Variants in FAM204A observed in about 807,000 individuals in gnomAD.
FAM204A encodes the protein family with sequence similarity 204 member A, also known as protein FAM204A.
Under a neutral mutation model 35.4 loss-of-function variants are expected in FAM204A, and 16 were observed. The observed-to-expected ratio is 0.45, with a 90% CI of 0.31 to 0.69. The LOEUF is 0.69. Ranked by LOEUF, FAM204A falls within the 30% of genes least tolerant of loss-of-function variation. The pLI, the probability that FAM204A is intolerant of heterozygous loss-of-function variation, is 0.07. For missense variants in FAM204A, 240 were observed against 265.7 expected, an observed-to-expected ratio of 0.90 and a Z score of 0.67; for synonymous variants, 76 against 86.9, an observed-to-expected ratio of 0.88 and a Z score of 0.70.
At chr10:118,316,249 C>T (rs1846028895) in intron 7 of FAM204A, among the ~76,000 whole-genome samples, 1 of 152,090 alleles carries the variant, frequency 6.6e-6, no homozygotes, top group Non-Finnish European at 1.5e-5. Flanking sequence ...CTCACAATGC[C>T]TTGCAGTGAA....
intron 7 of FAM204A, among the ~76,000 whole-genome samples, chr10:118,321,570 A>C (rs1279189667): frequency 3.9e-5 from 6 of 152,026 alleles, no homozygotes; most frequent in African/African-American, 1.4e-4. Context: ...ACAATGAGAA[A>C]AACATTTACT....
rs1165454445 is a variant in FAM204A at position 118,335,432 on chromosome 10, A to C, written c.323-6T>G. On this transcript the variant is annotated splice_polypyrimidine_tract_variant and splice_region_variant and intron_variant, in intron 4 of 8. Transcript: ENST00000369183. ...TTTTTCATTCTTCAATTTATCTGAA[A>C]AGAATTCACAAAGTGTCAATACCTA... 1 of 1,596,194 alleles carries C rather than the reference A, an allele frequency of 6.3e-7. No individual in the cohort carries two copies. The highest frequency in any genetic ancestry group is 2.2e-5 in the East Asian group (1 of 44,672).
chr10:118,335,436 A>G lies in FAM204A; in HGVS notation c.323-10T>C. 6.3e-7 allele frequency: 1 copy of G among 1,596,976 alleles called. No individual in the cohort carries two copies. Among genetic ancestry groups the G allele is most frequent in the Non-Finnish European group, 8.5e-7 (1 of 1,172,768 alleles). ...TCATTCTTCAATTTATCTGAAAAGAATTCACAAAGTGTCAATACCTAACTT... is the reference window on the plus strand; with the variant it reads ...TCATTCTTCAATTTATCTGAAAAGAGTTCACAAAGTGTCAATACCTAACTT... On this transcript the variant is annotated splice_polypyrimidine_tract_variant and intron_variant, in intron 4 of 8. Coordinates refer to ENST00000369183, the MANE Select transcript of FAM204A (RefSeq NM_022063.3).
In FAM204A at chr10:118,335,397, T is replaced by C; in HGVS notation, c.352A>G (p.Ser118Gly). The part of the protein sequence containing the change: ...DKLKNEKELH[S>G]EPSSNETQWK... ...ATAACTATTTTAAATTCTACCTACC[T>C]ATGTAATTCTTTTTCATTCTTCAAT... The change falls in exon 5 of 9, where the codon AGT becomes GGT. Residue 118 changes from serine to glycine, a missense_variant and splice_region_variant. By Grantham distance (56) the Ser-to-Gly change is moderately conservative. Around this residue, in one of 2 missense-constraint regions of FAM204A, gnomAD observed 232 missense variants for 242.8 expected, o/e 0.96. Transcript: ENST00000369183. 6.3e-7 allele frequency: 1 copy of C among 1,591,668 alleles called. No individual in the cohort carries two copies. The highest frequency in any genetic ancestry group is 8.6e-7 in the Non-Finnish European group (1 of 1,168,440).
intron 6 of FAM204A, among the ~76,000 whole-genome samples, chr10:118,330,804 C>T (rs927343163): frequency 6.6e-6 from 1 of 152,186 alleles, no homozygotes; most frequent in Non-Finnish European, 1.5e-5. Context: ...ACAAAGAGCA[C>T]AGCTGGCAGG....
intron 7 of FAM204A, among the ~76,000 whole-genome samples, chr10:118,321,744 A>AAG (rs61154019): frequency 4.0e-5 from 6 of 150,744 alleles, no homozygotes; most frequent in Non-Finnish European, 7.4e-5. Context: ...AAAAAAAAAA[A>AAG]GAATCCTAAT....
rs762367374 is a variant in FAM204A at position 118,300,520 on chromosome 10, T to C, written c.*10337A>G. ...GTGTAGCCTAGGGCACTGATTAACATTGGCTGAACACATATTATATGCTAG... is the reference window on the plus strand; with the variant it reads ...GTGTAGCCTAGGGCACTGATTAACACTGGCTGAACACATATTATATGCTAG... On this transcript the variant is annotated 3_prime_UTR_variant, in exon 9 of 9. Coordinates refer to ENST00000369183, the MANE Select transcript of FAM204A (RefSeq NM_022063.3). The C allele has an allele frequency of 6.6e-6, 1 of 152,186 alleles. No individual in the cohort carries two copies. Among genetic ancestry groups the C allele is most frequent in the Admixed American group, 6.5e-5 (1 of 15,282 alleles). The allele number at this position is 152,186 out of a possible 1,614,324, so 9.4% of individuals were successfully genotyped here.
intron 8 of FAM204A, 72 bp downstream of exon 8, chr10:118,311,135 G>C: frequency 7.2e-7 from 1 of 1,394,274 alleles, no homozygotes; most frequent in Non-Finnish European, 1.0e-6. Flanking sequence ...ACACGAACTA[G>C]ATCACAAAAT....
intron 7 of FAM204A, among the ~76,000 whole-genome samples, chr10:118,321,758 C>T (rs1196674936): frequency 7.0e-6 from 1 of 142,948 alleles, no homozygotes; most frequent in African/African-American, 2.5e-5. Context: ...TCCTAATATC[C>T]TCAAAGGAAA....
At chr10:118,324,526 G>A (rs1342659427) in intron 7 of FAM204A, among the ~76,000 whole-genome samples, 1 of 152,156 alleles carries the variant, frequency 6.6e-6, no homozygotes, top group Non-Finnish European at 1.5e-5. Context: ...AAGGAATTCT[G>A]ACACATGCTG....
At position 118,336,309 on chromosome 10, in the gene FAM204A, T is replaced by C; in HGVS notation, c.107A>G (p.Lys36Arg). 6.2e-7 allele frequency: 1 copy of C among 1,614,044 alleles called. No homozygotes were observed. The highest frequency in any genetic ancestry group is 8.5e-7 in the Non-Finnish European group (1 of 1,179,906). The change falls in exon 3 of 9, where the codon AAA becomes AGA. Residue 36 changes from lysine (K) to arginine (R), a missense_variant. By Grantham distance (26) the Lys-to-Arg change is conservative. Transcript: ENST00000369183. ...TGTTTTTCTGATGCTCTCATCCTCT[T>C]TATCTTCCTGTAAGTTAAGTCCAGA... ...ENSGLNLQED[K>R]EDESIRKTEI...
chr10:118,332,733 T>A (rs551268565), intron 6 of FAM204A, among the ~76,000 whole-genome samples: 1 of 152,166 alleles, frequency 6.6e-6, no homozygotes, highest in African/African-American at 2.4e-5. Context: ...ATAAAAAACT[T>A]GAAAAATTCA....
In FAM204A at chr10:118,310,978, T is replaced by G. The variant is rs1230599802; in HGVS notation, c.651-70A>C. The G allele has an allele frequency of 2.1e-6, 3 of 1,450,910 alleles. No homozygotes were observed. In the African/African-American group the frequency reaches 4.3e-5, roughly 21 times the overall value. The allele number at this position is 1,450,910 out of a possible 1,614,324, so 89.9% of individuals were successfully genotyped here. ...AAAATACTTTGCTGAACATGTTTAC[T>G]TAGAGACCAAAGCAAAACAAACAAA... is the stretch of plus-strand genomic sequence containing the variant. On this transcript the variant is annotated intron_variant, in intron 8 of 8. Coordinates refer to ENST00000369183, the MANE Select transcript of FAM204A (RefSeq NM_022063.3).
At chr10:118,337,988 T>G (rs1846415235) in intron 2 of FAM204A, among the ~76,000 whole-genome samples, 1 of 152,216 alleles carries the variant, frequency 6.6e-6, no homozygotes, top group South Asian at 2.1e-4. Context: ...ATAGTCACAA[T>G]CTGATGTGAA....
At chr10:118,327,234 T>C (rs1846211345) in intron 6 of FAM204A, among the ~76,000 whole-genome samples, 1 of 152,216 alleles carries the variant, frequency 6.6e-6, no homozygotes, top group African/African-American at 2.4e-5. Context: ...CTTCCATCAG[T>C]CTATTGTTTG....
chr10:118,322,814 T>C (rs1846139276), intron 7 of FAM204A, among the ~76,000 whole-genome samples: 1 of 152,256 alleles, frequency 6.6e-6, no homozygotes, highest in East Asian at 1.9e-4. Flanking sequence ...TGTTGTTGTT[T>C]TTTTAAGTAA....
At chr10:118,317,063 C>T (rs575208243) in intron 7 of FAM204A, among the ~76,000 whole-genome samples, 47 of 152,204 alleles carry the variant, frequency 3.1e-4, no homozygotes, top group Non-Finnish European at 6.2e-4. Flanking sequence ...TTCTTTATCT[C>T]TGTTCTTCTA....
intron 7 of FAM204A, among the ~76,000 whole-genome samples, chr10:118,318,804 T>A (rs1846068387): frequency 6.6e-6 from 1 of 151,104 alleles, no homozygotes; most frequent in African/African-American, 2.4e-5. Context: ...TGGCCCTGAC[T>A]AGAAGTAACT....
chr10:118,327,249 T>C (rs1037762408), intron 6 of FAM204A, among the ~76,000 whole-genome samples: 3 of 152,196 alleles, frequency 2.0e-5, no homozygotes, highest in Admixed American at 2.0e-4. Context: ...TGTTTGAACA[T>C]GCCAATCAAC....
Sources: gnomAD v4.1 joint callset for allele counts (sites outside exome capture counted in the v4.1 genomes callset) on GRCh38, gnomAD v4.1.1 for gene constraint, gnomAD v4.1.1 regional missense constraint, MANE v1.5 for transcripts, NCBI Gene and HGNC (gene_info 2026-07-23, HGNC 2026-07-21) for gene names.